DOCK1: variants seen among roughly 807,000 people sequenced by gnomAD.
DOCK1 encodes dedicator of cytokinesis protein 1.
Under a neutral mutation model 262.7 loss-of-function variants are expected in DOCK1, and 138 were observed. The ratio of observed to expected loss-of-function variants is 0.53; its 90% CI spans 0.46 to 0.61. The LOEUF is 0.61. Ranked by LOEUF, DOCK1 falls within the 20% of genes least tolerant of loss-of-function variation. The probability of loss-of-function intolerance (pLI) is 0.00; values close to 1 mark genes in which losing one functional copy is unlikely to be tolerated. For synonymous variants in DOCK1, 866 were observed against 867.4 expected, an observed-to-expected ratio of 1.00 and a Z score of 0.03; for missense variants, 1,908 against 2,370.7, an observed-to-expected ratio of 0.80 and a Z score of 4.05.
At chr10:127,039,231 A>G (rs892593479) in intron 19 of DOCK1, among the ~76,000 whole-genome samples, 1 of 152,160 alleles carries the variant, frequency 6.6e-6, no homozygotes, top group African/African-American at 2.4e-5. Context: ...GACAATGTTA[A>G]TTGCATTTTA....
At chr10:127,119,105 G>A (rs1221476584) in intron 25 of DOCK1, among the ~76,000 whole-genome samples, 2 of 151,510 alleles carry the variant, frequency 1.3e-5, no homozygotes, top group African/African-American at 4.9e-5. Context: ...GTGCAGTGGC[G>A]CAATCTCGGC....
At chr10:127,235,656 G>A (rs539865353) in intron 27 of DOCK1, among the ~76,000 whole-genome samples, 15 of 152,182 alleles carry the variant, frequency 9.9e-5, no homozygotes, top group African/African-American at 3.1e-4. Flanking sequence ...TAGAAGCAGC[G>A]TGGTTGGGTC....
intron 50 of DOCK1, among the ~76,000 whole-genome samples, chr10:127,445,649 C>T (rs1391817041): frequency 6.6e-6 from 1 of 152,212 alleles, no homozygotes; most frequent in Non-Finnish European, 1.5e-5. Flanking sequence ...ACTGGCAGTC[C>T]TGCTTCTAGG....
At chr10:127,070,072 C>T (rs9418833) in intron 23 of DOCK1, among the ~76,000 whole-genome samples, 27,123 of 151,800 alleles carry the variant, frequency 0.18, 2,583 homozygotes, top group South Asian at 0.32. Flanking sequence ...TCTCTGCCCC[C>T]GTCTTCACGC....
At chr10:127,356,675 C>T (rs74158670) in intron 32 of DOCK1, among the ~76,000 whole-genome samples, 3 of 152,084 alleles carry the variant, frequency 2.0e-5, no homozygotes, top group South Asian at 2.1e-4. Flanking sequence ...GGGCTGTTCT[C>T]TGTTGGAACT....
At chr10:127,075,784 C>G (rs2046495228) in intron 23 of DOCK1, among the ~76,000 whole-genome samples, 1 of 152,144 alleles carries the variant, frequency 6.6e-6, no homozygotes. Context: ...TGCCGCTCAC[C>G]CGACACGTGG....
chr10:127,009,217 C>T (rs1043757609), intron 11 of DOCK1, among the ~76,000 whole-genome samples: 18 of 151,906 alleles, frequency 1.2e-4, no homozygotes, highest in African/African-American at 1.9e-4. Flanking sequence ...TATTTTAAAG[C>T]GAGAAATAAT....
chr10:127,328,038 G>C (rs1018179910), intron 29 of DOCK1, among the ~76,000 whole-genome samples: 5 of 149,056 alleles, frequency 3.4e-5, no homozygotes, highest in Non-Finnish European at 5.9e-5. Context: ...AGTAGAAGTT[G>C]CCAAGCACCA....
In DOCK1 at chr10:127,424,637, A is replaced by G. The variant is rs185721508; in HGVS notation, c.4777-1237A>G. On this transcript the variant is annotated intron_variant, in intron 46 of 51. Coordinates refer to ENST00000623213, the MANE Select transcript of DOCK1 (RefSeq NM_001290223.2). The stretch of plus-strand genomic sequence containing the variant: ...GGAACTCAGGAGGCAGAAGGCTGAC[A>G]GTGAGCATTTTCTACTGCTGGCCCT... 2.0e-5 allele frequency among the ~76,000 whole-genome samples: 3 copies of G among 152,332 alleles called. No homozygotes were observed. The East Asian group carries it at 5.8e-4, about 29-fold the overall frequency.
At chr10:127,407,652 G>A (rs1243755680) in intron 40 of DOCK1, among the ~76,000 whole-genome samples, 1 of 152,138 alleles carries the variant, frequency 6.6e-6, no homozygotes, top group East Asian at 1.9e-4. Flanking sequence ...GCAAAATGCT[G>A]TCCTCTCTGT....
chr10:126,992,767 CA>C (rs1565039755), intron 6 of DOCK1, among the ~76,000 whole-genome samples: 34 of 143,410 alleles, frequency 2.4e-4, no homozygotes, highest in African/African-American at 8.0e-4. Flanking sequence ...CACACACAGA[CA>C]GACACAGACA....
At chr10:127,006,393 A>G (rs541156411) in intron 10 of DOCK1, among the ~76,000 whole-genome samples, 1 of 152,098 alleles carries the variant, frequency 6.6e-6, no homozygotes, top group South Asian at 2.1e-4. Context: ...CCTCTCCCTC[A>G]CACAGCTGTA....
At chr10:127,299,775 T>C (rs1590337216) in intron 29 of DOCK1, among the ~76,000 whole-genome samples, 1 of 152,326 alleles carries the variant, frequency 6.6e-6, no homozygotes. Context: ...CTACGTACTT[T>C]GGAGCTAGCC....
At chr10:127,348,007 G>C (rs2063725448) in intron 31 of DOCK1, among the ~76,000 whole-genome samples, 1 of 150,092 alleles carries the variant, frequency 6.7e-6, no homozygotes, top group African/African-American at 2.5e-5. Context: ...TCCTCCTAAT[G>C]ACTGAGGTTG....
At chr10:127,257,087 T>C (rs1158277049) in intron 28 of DOCK1, among the ~76,000 whole-genome samples, 1 of 152,206 alleles carries the variant, frequency 6.6e-6, no homozygotes, top group Non-Finnish European at 1.5e-5. Context: ...ACTCTTTAAC[T>C]ATTAGAGAGA....
At chr10:126,992,761 C>G (rs11016800) in intron 6 of DOCK1, among the ~76,000 whole-genome samples, 15 of 122,742 alleles carry the variant, frequency 1.2e-4, no homozygotes, top group Non-Finnish European at 2.4e-4. Flanking sequence ...CACACACACA[C>G]ACAGACAGAC....
chr10:127,218,771 G>A (rs926262665), intron 27 of DOCK1, among the ~76,000 whole-genome samples: 3 of 152,126 alleles, frequency 2.0e-5, no homozygotes, highest in South Asian at 2.1e-4. Context: ...AAAATTACCT[G>A]AGACTGGTCA....
chr10:127,057,967 TAA>T (rs1387390250), intron 22 of DOCK1, among the ~76,000 whole-genome samples: 1 of 152,202 alleles, frequency 6.6e-6, no homozygotes, highest in Non-Finnish European at 1.5e-5. Context: ...TATTTATCGA[TAA>T]GTTTCTGAGT....
intron 4 of DOCK1, 126 bp from the exon 5 acceptor site, chr10:126,987,395 T>C: frequency 3.0e-6 from 2 of 664,212 alleles, no homozygotes; most frequent in South Asian, 4.0e-5. Context: ...TGCAGTCTTA[T>C]TTGTAGATTT....
Sources: allele counts gnomAD v4.1 joint callset (sites outside exome capture counted in the v4.1 genomes callset), GRCh38; gene constraint gnomAD v4.1.1; transcripts MANE v1.5; gene names NCBI Gene and HGNC (gene_info 2026-07-23, HGNC 2026-07-21).